CACNB2: variants seen among roughly 807,000 people sequenced by gnomAD.
CACNB2 encodes the protein calcium voltage-gated channel auxiliary subunit beta 2.
In CACNB2, 42 loss-of-function variants were observed where a neutral mutation model predicts 73.3. The observed-to-expected ratio is 0.57, with a 90% confidence interval of 0.45 to 0.74. The LOEUF (loss-of-function observed/expected upper bound fraction) is 0.74, where lower values mean the gene tolerates loss of function less well. Ranked by LOEUF, CACNB2 falls within the 30% of genes least tolerant of loss-of-function variation. The pLI is 0.00. For synonymous variants in CACNB2, 348 were observed against 310.3 expected (o/e 1.12, Z -1.28); for missense variants, 940 against 853.0 (o/e 1.10, Z -1.27).
intron 2 of CACNB2, among the ~76,000 whole-genome samples, chr10:18,228,132 A>G (rs1360716805): frequency 6.6e-6 from 1 of 152,188 alleles, no homozygotes; most frequent in African/African-American, 2.4e-5. Flanking sequence ...GGGGGGAAAA[A>G]GAAAAATAGG....
Position 18,263,210 on chromosome 10 carries a change from A to G in CACNB2, c.213+112235A>G, listed in dbSNP as rs568821739. 3.1e-4 allele frequency among the ~76,000 whole-genome samples: 47 copies of G among 152,318 alleles called. No individual in the cohort carries two copies. The South Asian group carries it at 5.2e-3, about 17-fold the overall frequency. ...CAGAGTGGAAGATAGGTTAAATCGA[A>G]ACCTATTTTTTTCCTTGAAGGAAAA... On this transcript the variant is annotated intron_variant, in intron 2 of 13. Transcript: ENST00000324631.
At chr10:18,249,999 A>G (rs935055994) in intron 2 of CACNB2, among the ~76,000 whole-genome samples, 3 of 152,146 alleles carry the variant, frequency 2.0e-5, no homozygotes, top group African/African-American at 7.2e-5. Context: ...AACTGGACTC[A>G]TTCTTGGATT....
At chr10:18,178,611 G>A (rs1483721568) in intron 2 of CACNB2, among the ~76,000 whole-genome samples, 1 of 152,058 alleles carries the variant, frequency 6.6e-6, no homozygotes, top group African/African-American at 2.4e-5. Flanking sequence ...TTCCCTATTT[G>A]CTTGTTTCAT....
At chr10:18,278,454 G>A (rs895586151) in intron 2 of CACNB2, among the ~76,000 whole-genome samples, 3 of 152,058 alleles carry the variant, frequency 2.0e-5, no homozygotes, top group African/African-American at 7.3e-5. Context: ...CTGTCAGGAA[G>A]GCCACAGTCT....
intron 3 of CACNB2, among the ~76,000 whole-genome samples, chr10:18,477,784 A>T (rs984206): frequency 0.56 from 84,641 of 152,092 alleles, 24,611 homozygotes; most frequent in South Asian, 0.79. Context: ...TTGGCACTTT[A>T]CAAAGATAAG....
At chr10:18,203,792 A>G (rs925465446) in intron 2 of CACNB2, among the ~76,000 whole-genome samples, 2 of 152,242 alleles carry the variant, frequency 1.3e-5, no homozygotes, top group African/African-American at 4.8e-5. Flanking sequence ...GAATAAAAAA[A>G]AAGATACTAA....
intron 6 of CACNB2, among the ~76,000 whole-genome samples, chr10:18,511,770 C>T (rs2050801548): frequency 6.6e-6 from 1 of 152,140 alleles, no homozygotes; most frequent in African/African-American, 2.4e-5. Flanking sequence ...GTGAAGGGAA[C>T]TGAAAGAGGG....
Position 18,401,987 on chromosome 10 carries a change from G to C in CACNB2, c.277G>C (p.Glu93Gln), listed in dbSNP as rs1380178735. The change falls in exon 3 of 14, where the codon GAG (glutamate) becomes CAG (glutamine). Residue 93 changes from glutamate (E) to glutamine (Q), a missense_variant. Coordinates refer to ENST00000324631, the MANE Select transcript of CACNB2 (RefSeq NM_201596.3). The stretch of plus-strand genomic sequence containing the variant: ...CGATGTATCTCTGGAGGAGGACCGG[G>C]AGGCAGTGCGCAGAGAAGCGGAGCG... ...DSDVSLEEDR[E>Q]AVRREAERQA... 10 of 1,614,116 alleles carry C rather than the reference G, an allele frequency of 6.2e-6. No homozygotes were observed. The Middle Eastern group carries it at 9.9e-4, about 160-fold the overall frequency.
chr10:18,157,026 C>T (rs1564302296), intron 2 of CACNB2, among the ~76,000 whole-genome samples: 1 of 150,042 alleles, frequency 6.7e-6, no homozygotes, highest in African/African-American at 2.5e-5. Context: ...TGCGCCATTG[C>T]ACTCCTGCCT....
In CACNB2 at chr10:18,490,864, T is replaced by G. The variant is rs371032713; in HGVS notation, c.334-7491T>G. Among the ~76,000 whole-genome samples, 560 of 102,544 alleles carry G rather than the reference T, an allele frequency of 5.5e-3. 2 individuals are homozygous for G. The highest frequency in any genetic ancestry group is 8.2e-3 in the Non-Finnish European group (400 of 48,568). 67.3% of individuals were successfully genotyped at this position (102,544 alleles called of 152,430 possible). A position where few individuals can be genotyped will look rare whatever the true frequency, so the allele number is the denominator to read the frequency against. ...CGGGCCGGTGGGGGAGGGGGGAGGG[T>G]GGAGTTAAAGGGTGGCAGGAAAAGG... is the stretch of plus-strand genomic sequence containing the variant. On this transcript the variant is annotated intron_variant, in intron 3 of 13. Coordinates refer to ENST00000324631, the MANE Select transcript of CACNB2 (RefSeq NM_201596.3).
At chr10:18,387,475 C>T (rs1243495305) in intron 2 of CACNB2, among the ~76,000 whole-genome samples, 1 of 152,138 alleles carries the variant, frequency 6.6e-6, no homozygotes, top group Non-Finnish European at 1.5e-5. Flanking sequence ...AAAAAAAGCT[C>T]CCTGCCCTCC....
At chr10:18,499,721 C>CCTG (rs369183048) in intron 4 of CACNB2, among the ~76,000 whole-genome samples, 1 of 149,186 alleles carries the variant, frequency 6.7e-6, no homozygotes, top group East Asian at 2.0e-4. Context: ...ATGGCTCATG[C>CCTG]TTCCAAGCAT....
chr10:18,453,462 GCTTGGA>G (rs1194831778), intron 3 of CACNB2, among the ~76,000 whole-genome samples: 1 of 152,106 alleles, frequency 6.6e-6, no homozygotes, highest in African/African-American at 2.4e-5. Flanking sequence ...CCTCCATGAG[GCTTGGA>G]ATCTCTCCCC....
intron 12 of CACNB2, 85 bp downstream of exon 12, chr10:18,536,281 A>AAC: frequency 4.5e-6 from 2 of 448,034 alleles, no homozygotes; most frequent in Non-Finnish European, 7.0e-6. Flanking sequence ...TTTGGGGGAC[A>AAC]AGGTCTTGCT....
At chr10:18,423,511 C>A (rs906151984) in intron 3 of CACNB2, among the ~76,000 whole-genome samples, 7 of 152,156 alleles carry the variant, frequency 4.6e-5, no homozygotes, top group African/African-American at 1.7e-4. Flanking sequence ...AAGCCCAGTT[C>A]CTGCAAAGCT....
Position 18,140,721 on chromosome 10 carries a change from A to T in CACNB2, c.-16A>T, listed in dbSNP as rs1244701781. 9 of 1,587,072 alleles carry T rather than the reference A, an allele frequency of 5.7e-6. No individual in the cohort carries two copies. The highest frequency in any genetic ancestry group is 7.7e-6 in the Non-Finnish European group (9 of 1,168,276). On this transcript the variant is annotated 5_prime_UTR_variant, in exon 1 of 14. Coordinates refer to ENST00000324631, the MANE Select transcript of CACNB2 (RefSeq NM_201596.3). ...GCCGGGGGCTGGCTGCTTCGCTCCG[A>T]GCCGACTTTTCGCCAATGGTCCAAA...
At chr10:18,403,069 G>A (rs1185710149) in intron 3 of CACNB2, among the ~76,000 whole-genome samples, 1 of 152,160 alleles carries the variant, frequency 6.6e-6, no homozygotes, top group Admixed American at 6.5e-5. Context: ...GGAACTGCCA[G>A]GAGACCTTGA....
At chr10:18,174,442 C>T (rs11012867) in intron 2 of CACNB2, among the ~76,000 whole-genome samples, 26,077 of 148,474 alleles carry the variant, frequency 0.18, 2,386 homozygotes, top group African/African-American at 0.19. Flanking sequence ...TTGCTCTTGC[C>T]GCCCAGGCTG....
At chr10:18,507,295 T>G (rs2050544522) in intron 6 of CACNB2, among the ~76,000 whole-genome samples, 1 of 152,194 alleles carries the variant, frequency 6.6e-6, no homozygotes, top group Admixed American at 6.5e-5. Flanking sequence ...ACCAGAAAAG[T>G]TCTGTGGAAG....
Sources: gnomAD v4.1 joint callset for allele counts (sites outside exome capture counted in the v4.1 genomes callset) on GRCh38, gnomAD v4.1.1 for gene constraint, MANE v1.5 for transcripts, NCBI Gene and HGNC (gene_info 2026-07-23, HGNC 2026-07-21) for gene names.